The following IQCK variants were observed in gnomAD, a reference collection of about 807,000 sequenced individuals.
The protein encoded by IQCK is IQ motif containing K.
IQCK carries 29 observed loss-of-function variants against 28.1 expected under a neutral mutation model. The observed-to-expected ratio is 1.03, with a 90% CI of 0.77 to 1.41. IQCK has a LOEUF of 1.41. IQCK is among the 40% of genes most tolerant of loss of function. The probability of loss-of-function intolerance (pLI) is 0.00; values close to 1 mark genes in which losing one functional copy is unlikely to be tolerated. For synonymous variants in IQCK, 113 were observed against 115.1 expected, an observed-to-expected ratio of 0.98 and a Z score of 0.12; for missense variants, 359 against 314.7, an observed-to-expected ratio of 1.14 and a Z score of -1.07.
At chr16:19,768,003 T>A (rs1434671489) in intron 6 of IQCK, among the ~76,000 whole-genome samples, 1 of 151,116 alleles carries the variant, frequency 6.6e-6, no homozygotes, top group East Asian at 1.9e-4. Context: ...GCCTGAACAT[T>A]GTTTTTTTTT....
At chr16:19,734,096 C>T (rs565476620) in intron 3 of IQCK, 9 of 317,238 alleles carry the variant, frequency 2.8e-5, no homozygotes, top group South Asian at 1.3e-4. Context: ...CACATGTAGC[C>T]GGCTGTGATG....
intron 7 of IQCK, among the ~76,000 whole-genome samples, chr16:19,804,667 C>T (rs962298624): frequency 7.2e-5 from 11 of 151,984 alleles, no homozygotes; most frequent in African/African-American, 2.4e-4. Context: ...TGAGCTCAAG[C>T]GATCCACTCC....
exon 10 of IQCK, chr16:19,857,855 C>G: frequency 6.5e-6 from 1 of 153,892 alleles, no homozygotes; most frequent in Non-Finnish European, 1.4e-5. Flanking sequence ...GCTGTCAGAG[C>G]TGACTCCCTT....
At chr16:19,719,942 C>T (rs1282816461) in intron 1 of IQCK, among the ~76,000 whole-genome samples, 1 of 151,980 alleles carries the variant, frequency 6.6e-6, no homozygotes, top group African/African-American at 2.4e-5. Flanking sequence ...CAAAGTGCTA[C>T]AATTACAGGC....
chr16:19,856,175 ATCG>A (rs1246148113), intron 9 of IQCK, among the ~76,000 whole-genome samples: 1 of 152,232 alleles, frequency 6.6e-6, no homozygotes, highest in African/African-American at 2.4e-5. Flanking sequence ...GGAATCTGTC[ATCG>A]TCTTTAGTAA....
chr16:19,733,578 C>G (rs1395752994), intron 2 of IQCK, 120 bp from the exon 3 acceptor site: 2 of 1,108,008 alleles, frequency 1.8e-6, no homozygotes, highest in Non-Finnish European at 2.6e-6. Flanking sequence ...CTGTGCTCAG[C>G]GTACCCCCTT....
At chr16:19,837,528 G>C (rs895381883) in intron 9 of IQCK, among the ~76,000 whole-genome samples, 5 of 152,106 alleles carry the variant, frequency 3.3e-5, no homozygotes, top group African/African-American at 9.7e-5. Context: ...CTGTTGTGTG[G>C]GGACAATTAG....
At chr16:19,763,599 C>A (rs1260612084) in intron 4 of IQCK, among the ~76,000 whole-genome samples, 1 of 152,112 alleles carries the variant, frequency 6.6e-6, no homozygotes, top group Non-Finnish European at 1.5e-5. Context: ...CCCACCACCA[C>A]GCCTGGCTAA....
At chr16:19,784,315 A>G (rs1487744887) in intron 6 of IQCK, among the ~76,000 whole-genome samples, 1 of 151,766 alleles carries the variant, frequency 6.6e-6, no homozygotes, top group African/African-American at 2.4e-5. Context: ...AGCTGGCCCC[A>G]TCTTCTCTCT....
At chr16:19,730,600 G>T in intron 2 of IQCK, 106 bp downstream of exon 2, 1 of 840,868 alleles carries the variant, frequency 1.2e-6, no homozygotes, top group South Asian at 2.9e-5. Flanking sequence ...AGGTGGGAAA[G>T]GGAAGGCACT....
At chr16:19,830,884 AAAT>A (rs2056223717), downstream of IQCK, among the ~76,000 whole-genome samples, 1 of 152,212 alleles carries the variant, frequency 6.6e-6, no homozygotes, top group South Asian at 2.1e-4. Flanking sequence ...TAGTTCCCAT[AAAT>A]GTTAGTTATT....
At chr16:19,835,471 T>G (rs2056283114) in intron 9 of IQCK, among the ~76,000 whole-genome samples, 1 of 152,204 alleles carries the variant, frequency 6.6e-6, no homozygotes, top group Non-Finnish European at 1.5e-5. Context: ...ACCATACTTT[T>G]GTAAAACCAA....
chr16:19,817,680 A>G (rs2056007666), intron 7 of IQCK, among the ~76,000 whole-genome samples: 2 of 152,304 alleles, frequency 1.3e-5, no homozygotes, highest in East Asian at 3.9e-4. Context: ...GGAAAAATTA[A>G]TTAATTATTT....
At chr16:19,724,726 G>T (rs574992309) in intron 1 of IQCK, among the ~76,000 whole-genome samples, 2 of 152,188 alleles carry the variant, frequency 1.3e-5, no homozygotes, top group African/African-American at 4.8e-5. Flanking sequence ...TAGAGAGGGG[G>T]TTTCACCATG....
chr16:19,827,540 A>G (rs1404768892), downstream of IQCK, among the ~76,000 whole-genome samples: 1 of 152,302 alleles, frequency 6.6e-6, no homozygotes, highest in South Asian at 2.1e-4. Context: ...TGCGATGGCT[A>G]ATTTTATGTG....
intron 2 of IQCK, 51 bp downstream of exon 2, chr16:19,730,545 A>G (rs1009428741): frequency 2.2e-6 from 3 of 1,369,722 alleles, no homozygotes; most frequent in Non-Finnish European, 3.0e-6. Flanking sequence ...AAATGAGAAT[A>G]GCATTGATGG....
intron 4 of IQCK, among the ~76,000 whole-genome samples, chr16:19,737,770 C>G (rs2054778304): frequency 6.6e-6 from 1 of 152,044 alleles, no homozygotes; most frequent in Non-Finnish European, 1.5e-5. Context: ...GTACCCTCCA[C>G]CCAAGCAGAA....
intron 6 of IQCK, among the ~76,000 whole-genome samples, chr16:19,774,398 C>CTTTTTTTTT (rs1167894201): frequency 5.8e-5 from 6 of 104,098 alleles, no homozygotes; most frequent in South Asian, 4.0e-4. Context: ...TTAGCTAATA[C>CTTTTTTTTT]TTTTTTTTTT....
chr16:19,725,927 T>A (rs1328253312), intron 1 of IQCK, among the ~76,000 whole-genome samples: 2 of 151,970 alleles, frequency 1.3e-5, no homozygotes, highest in Non-Finnish European at 2.9e-5. Flanking sequence ...TTTCTTTTTT[T>A]TTTTTGGAGA....
Sources: gnomAD v4.1 joint callset for allele counts (sites outside exome capture counted in the v4.1 genomes callset) on GRCh38, gnomAD v4.1.1 for gene constraint, MANE v1.5 for transcripts, NCBI Gene and HGNC (gene_info 2026-07-23, HGNC 2026-07-21) for gene names.